Variants in PDE11A observed in about 807,000 individuals in gnomAD.
The protein encoded by PDE11A is phosphodiesterase 11A, also known as dual 3',5'-cyclic-AMP and -GMP phosphodiesterase 11A.
In PDE11A, 100 loss-of-function variants were observed where a neutral mutation model predicts 100.5. That is an observed-to-expected ratio of 1.00 (90% CI 0.85 to 1.18). PDE11A has a LOEUF of 1.18. Ranked by LOEUF, PDE11A falls within the 50% of genes most tolerant of loss-of-function variation. The pLI is 0.00. For synonymous variants in PDE11A, 381 were observed against 420.8 expected (o/e 0.91, Z 1.16); for missense variants, 1,141 against 1,152.6 (o/e 0.99, Z 0.15).
chr2:178,107,711 C>CT lies in PDE11A; in HGVS notation c.-14+542dup, dbSNP rs772556248. Among the ~76,000 whole-genome samples, 34 of 142,614 alleles carry CT rather than the reference C, an allele frequency of 2.4e-4. No homozygotes were observed. In the East Asian group the frequency reaches 2.4e-3, roughly 10 times the overall value. The allele number at this position is 142,614 out of a possible 152,430, so 93.6% of individuals were successfully genotyped here. ...TATAATCTTATAGGTTTAACAATTC[C>CT]TTTTTTTTTCTTTTTTTTTTTTTTT... On this transcript the variant is annotated intron_variant, in intron 1 of 20. Transcript: ENST00000358450.
At chr2:177,823,270 TCA>T (rs1215964940) in intron 6 of PDE11A, among the ~76,000 whole-genome samples, 1 of 152,124 alleles carries the variant, frequency 6.6e-6, no homozygotes, top group Non-Finnish European at 1.5e-5. Flanking sequence ...CTTGAGCTAC[TCA>T]CAGTCTAGGA....
At chr2:178,085,801 G>A (rs991684958) in intron 2 of PDE11A, among the ~76,000 whole-genome samples, 1 of 152,030 alleles carries the variant, frequency 6.6e-6, no homozygotes, top group Non-Finnish European at 1.5e-5. Context: ...TGCAACAAAG[G>A]CCAATTAAAA....
chr2:177,865,865 G>A (rs989784826), intron 5 of PDE11A, among the ~76,000 whole-genome samples: 1 of 152,144 alleles, frequency 6.6e-6, no homozygotes, highest in Non-Finnish European at 1.5e-5. Flanking sequence ...AGAGAGGGGA[G>A]TGGCTGCTAA....
intron 15 of PDE11A, among the ~76,000 whole-genome samples, chr2:177,683,877 T>G (rs138072669): frequency 3.9e-5 from 6 of 152,150 alleles, no homozygotes; most frequent in Non-Finnish European, 8.8e-5. Flanking sequence ...AGCTGTGTGA[T>G]CTTGGGTGAG....
intron 19 of PDE11A, among the ~76,000 whole-genome samples, chr2:177,651,558 G>A (rs1450120387): frequency 1.3e-5 from 2 of 152,130 alleles, no homozygotes; most frequent in Non-Finnish European, 2.9e-5. Context: ...GTAGAGGGCA[G>A]GTTTGAAAGA....
At chr2:177,868,585 A>C (rs2084069927) in intron 5 of PDE11A, among the ~76,000 whole-genome samples, 1 of 152,204 alleles carries the variant, frequency 6.6e-6, no homozygotes, top group South Asian at 2.1e-4. Flanking sequence ...ACACAAGGGA[A>C]AATAAAGAAT....
rs2079790333 is a variant in PDE11A, at chr2:177,623,434, T to C, written c.*5973A>G. The C allele has an allele frequency of 6.6e-6, 1 of 152,238 alleles. No individual in the cohort carries two copies. The highest frequency in any genetic ancestry group is 2.1e-4 in the South Asian group (1 of 4,838). 9.4% of individuals were successfully genotyped at this position (152,238 alleles called of 1,614,324 possible). On this transcript the variant is annotated 3_prime_UTR_variant, in exon 20 of 20. Coordinates refer to ENST00000286063, the MANE Select transcript of PDE11A (RefSeq NM_016953.4). The stretch of plus-strand genomic sequence containing the variant: ...TCAAACAACTCAATTGAAAACGTAT[T>C]TCCTTTCTTTCGTGTAAAACAATAA...
chr2:177,690,739 G>T (rs1439814310), intron 15 of PDE11A, among the ~76,000 whole-genome samples: 1 of 152,130 alleles, frequency 6.6e-6, no homozygotes, highest in African/African-American at 2.4e-5. Flanking sequence ...TCAATTTGAA[G>T]ATAAGTCTGA....
chr2:177,775,076 G>A (rs2082360484), intron 9 of PDE11A, among the ~76,000 whole-genome samples: 3 of 152,190 alleles, frequency 2.0e-5, no homozygotes, highest in African/African-American at 7.2e-5. Flanking sequence ...AGCACAGAAT[G>A]CAGGTAGGTT....
chr2:177,867,032 G>T (rs76819580), intron 5 of PDE11A, among the ~76,000 whole-genome samples: 1 of 152,166 alleles, frequency 6.6e-6, no homozygotes, highest in African/African-American at 2.4e-5. Context: ...AAGAATATAG[G>T]TGCATAGTAA....
chr2:178,105,633 T>C, intron 1 of PDE11A: 1 of 499,282 alleles, frequency 2.0e-6, no homozygotes, highest in South Asian at 6.0e-5. Flanking sequence ...AAATTGTACT[T>C]TATCGATGTC....
intron 19 of PDE11A, among the ~76,000 whole-genome samples, chr2:177,652,844 C>T (rs1044047395): frequency 6.6e-5 from 10 of 152,150 alleles, no homozygotes; most frequent in African/African-American, 2.2e-4. Context: ...TGTTTCCTGC[C>T]TTTACTGTAT....
intron 4 of PDE11A, among the ~76,000 whole-genome samples, chr2:177,883,998 C>T (rs1168695595): frequency 6.6e-6 from 1 of 152,204 alleles, no homozygotes; most frequent in African/African-American, 2.4e-5. Context: ...CTCATACCTT[C>T]TATTTGTCAA....
chr2:177,899,615 CTAAT>C, intron 3 of PDE11A: 1 of 254,282 alleles, frequency 3.9e-6, no homozygotes, highest in Non-Finnish European at 8.0e-6. Context: ...GAGGTGAATG[CTAAT>C]TAAGTTTCAG....
intron 1 of PDE11A, among the ~76,000 whole-genome samples, chr2:178,049,686 G>A (rs892951220): frequency 6.6e-6 from 1 of 152,144 alleles, no homozygotes; most frequent in African/African-American, 2.4e-5. Context: ...TTAGCAAACG[G>A]CACACCAGGA....
At chr2:177,766,787 G>C (rs1186476659) in intron 10 of PDE11A, among the ~76,000 whole-genome samples, 1 of 152,040 alleles carries the variant, frequency 6.6e-6, no homozygotes, top group African/African-American at 2.4e-5. Flanking sequence ...TTTTAAAATG[G>C]TTAAAATGAT....
At chr2:177,886,593 A>G (rs2084433836) in intron 4 of PDE11A, among the ~76,000 whole-genome samples, 1 of 152,228 alleles carries the variant, frequency 6.6e-6, no homozygotes, top group African/African-American at 2.4e-5. Flanking sequence ...AAGTATTAGA[A>G]TCACAAAATA....
At chr2:177,861,004 T>A (rs10183345) in intron 5 of PDE11A, among the ~76,000 whole-genome samples, 1 of 151,912 alleles carries the variant, frequency 6.6e-6, no homozygotes, top group African/African-American at 2.4e-5. Context: ...AAAGACTGAA[T>A]GTTTTACTTT....
chr2:178,054,960 A>T lies in PDE11A; in HGVS notation c.912+16566T>A, dbSNP rs372590541. ...TGTGGCGATTCTTCAAGGATCTAGAACTAGAAATACCATTTGACCCAACAT... is the reference window on the plus strand; with the variant it reads ...TGTGGCGATTCTTCAAGGATCTAGATCTAGAAATACCATTTGACCCAACAT... On this transcript the variant is annotated intron_variant, in intron 1 of 19. Transcript: ENST00000286063. 5.9e-5 allele frequency among the ~76,000 whole-genome samples: 9 copies of T among 152,238 alleles called. No individual in the cohort carries two copies. In the South Asian group the frequency reaches 1.7e-3, roughly 28 times the overall value.
Sources: allele counts gnomAD v4.1 joint callset (sites outside exome capture counted in the v4.1 genomes callset), GRCh38; gene constraint gnomAD v4.1.1; transcripts MANE v1.5; gene names NCBI Gene and HGNC (gene_info 2026-07-23, HGNC 2026-07-21).